Variants in RIMS1 observed in about 807,000 individuals in gnomAD.
The protein encoded by RIMS1 is regulating synaptic membrane exocytosis 1.
RIMS1 carries 83 observed loss-of-function variants against 214.1 expected under a neutral mutation model. The observed-to-expected ratio is 0.39, with a 90% confidence interval of 0.32 to 0.47. The LOEUF (loss-of-function observed/expected upper bound fraction) is 0.47. Among genes scored for constraint, RIMS1 ranks in the 20% least tolerant of loss-of-function variants. RIMS1 has a pLI of 0.99. For missense variants in RIMS1, 2,050 were observed against 2,161.8 expected (o/e 0.95, Z 1.03); for synonymous variants, 793 against 786.8 (o/e 1.01, Z -0.13).
chr6:72,126,761 TAA>T (rs71540329), intron 4 of RIMS1: 11,574 of 124,066 alleles, frequency 0.093, 358 homozygotes, highest in Non-Finnish European at 0.12. Context: ...ATTAAAAAGT[TAA>T]AAAAAAAAAA....
intron 4 of RIMS1, among the ~76,000 whole-genome samples, chr6:72,146,576 A>G (rs139330917): frequency 3.7e-4 from 57 of 152,324 alleles, no homozygotes; most frequent in Non-Finnish European, 6.0e-4. Flanking sequence ...TCAGTGTTCA[A>G]TTTACCAAAT....
chr6:72,166,726 A>AG (rs2046319909), intron 4 of RIMS1, among the ~76,000 whole-genome samples: 1 of 138,836 alleles, frequency 7.2e-6, no homozygotes, highest in African/African-American at 2.7e-5. Flanking sequence ...AAAAAAAAAA[A>AG]GTAACTCTCT....
At chr6:72,211,698 G>A (rs573110520) in intron 6 of RIMS1, among the ~76,000 whole-genome samples, 11 of 152,148 alleles carry the variant, frequency 7.2e-5, no homozygotes, top group Admixed American at 6.5e-4. Context: ...TTTTGCATAT[G>A]GAATTAATAG....
intron 2 of RIMS1, among the ~76,000 whole-genome samples, chr6:71,986,168 A>G (rs1799875588): frequency 1.3e-5 from 2 of 149,288 alleles, no homozygotes; most frequent in Admixed American, 1.4e-4. Context: ...GATGTCAAGA[A>G]ACCATCACAA....
chr6:72,096,756 A>G (rs749424267), intron 2 of RIMS1, among the ~76,000 whole-genome samples, 193 bp from the exon 3 acceptor site: 8 of 152,218 alleles, frequency 5.3e-5, no homozygotes, highest in Non-Finnish European at 4.4e-5. Context: ...TAAGCAAAAC[A>G]GGGATTATGG....
chr6:72,131,746 G>A (rs2040475580), intron 4 of RIMS1, among the ~76,000 whole-genome samples: 2 of 152,098 alleles, frequency 1.3e-5, no homozygotes, highest in Admixed American at 1.3e-4. Context: ...AATTTATTAG[G>A]CAGGAATTTC....
chr6:72,126,258 A>C (rs755323847), intron 4 of RIMS1, among the ~76,000 whole-genome samples: 1 of 152,200 alleles, frequency 6.6e-6, no homozygotes, highest in Non-Finnish European at 1.5e-5. Context: ...TCTTACCTTA[A>C]ACAAAAATCA....
At chr6:72,146,282 G>A (rs189126204) in intron 4 of RIMS1, among the ~76,000 whole-genome samples, 76 of 152,242 alleles carry the variant, frequency 5.0e-4, no homozygotes, top group South Asian at 8.3e-4. Flanking sequence ...AATCTGTCAC[G>A]TGTCTTTCCC....
At chr6:71,940,259 A>C (rs1191887341) in intron 1 of RIMS1, among the ~76,000 whole-genome samples, 1 of 152,214 alleles carries the variant, frequency 6.6e-6, no homozygotes, top group Non-Finnish European at 1.5e-5. Flanking sequence ...ATATATCCAA[A>C]GATGAAATAA....
At chr6:72,290,325 T>C (rs2093164654) in intron 24 of RIMS1, among the ~76,000 whole-genome samples, 1 of 152,186 alleles carries the variant, frequency 6.6e-6, no homozygotes, top group African/African-American at 2.4e-5. Context: ...CATACCTTTA[T>C]TGAGCTCTTG....
intron 28 of RIMS1, among the ~76,000 whole-genome samples, chr6:72,332,842 G>A (rs2096718001): frequency 6.6e-6 from 1 of 151,738 alleles, no homozygotes; most frequent in African/African-American, 2.4e-5. Flanking sequence ...ATTCTTTGGG[G>A]AGAGAAGGAA....
At position 71,969,021 on chromosome 6, in the gene RIMS1, A is replaced by C; in HGVS notation, c.203A>C (p.Lys68Thr). 6.2e-7 allele frequency: 1 copy of C among 1,614,032 alleles called. No homozygotes were observed. Among genetic ancestry groups the C allele is most frequent in the Non-Finnish European group, 8.5e-7 (1 of 1,179,866 alleles). The change falls in exon 2 of 34, where the codon AAA becomes ACA. Residue 68 changes from lysine (K) to threonine (T), a missense_variant. Physicochemically the swap from Lys to Thr is moderately conservative, Grantham distance 78. Coordinates refer to ENST00000521978, the MANE Select transcript of RIMS1 (RefSeq NM_014989.7). ...VRDMAKPAAC[K>T]TPRNAENQPH... is the part of the protein sequence containing the mutation. ...GACATGGCGAAGCCTGCTGCCTGCA[A>C]AACACCAAGAAATGCTGAAAACCAG... is the stretch of plus-strand genomic sequence containing the variant.
At position 72,154,399 on chromosome 6, in the gene RIMS1, T is replaced by C. The variant is rs546586333; in HGVS notation, c.472-25176T>C. Among the ~76,000 whole-genome samples, 5 of 140,698 alleles carry C rather than the reference T, an allele frequency of 3.6e-5. No homozygotes were observed. The East Asian group carries it at 1.0e-3, about 28-fold the overall frequency. 92.3% of individuals were successfully genotyped at this position (140,698 alleles called of 152,430 possible). A position where few individuals can be genotyped will look rare whatever the true frequency, so the allele number is the denominator to read the frequency against. Reference sequence around the variant, plus strand: ...TAAAAGAAAAGGAAAAAGATTCACCTGTCAAGGAATTGCAGTTTATTAGAG... The same window carrying C: ...TAAAAGAAAAGGAAAAAGATTCACCCGTCAAGGAATTGCAGTTTATTAGAG... On this transcript the variant is annotated intron_variant, in intron 4 of 33. Transcript: ENST00000521978.
chr6:72,131,570 G>A (rs1397205393), intron 4 of RIMS1, among the ~76,000 whole-genome samples: 10 of 152,110 alleles, frequency 6.6e-5, no homozygotes, highest in East Asian at 5.8e-4. Flanking sequence ...CAAAGATCAC[G>A]TACTTCACAA....
intron 1 of RIMS1, among the ~76,000 whole-genome samples, chr6:71,917,571 G>A (rs960486181): frequency 2.6e-5 from 4 of 152,120 alleles, no homozygotes; most frequent in Non-Finnish European, 5.9e-5. Context: ...GTCACCTAGG[G>A]CTTGGTTGGA....
chr6:72,263,947 C>A, intron 19 of RIMS1: 1 of 378,144 alleles, frequency 2.6e-6, no homozygotes, highest in Non-Finnish European at 3.6e-6. Context: ...GAGCCAAGAT[C>A]ACACCATTGC....
chr6:72,235,039 T>TA (rs538113956), intron 7 of RIMS1, among the ~76,000 whole-genome samples: 26 of 152,186 alleles, frequency 1.7e-4, no homozygotes, highest in African/African-American at 6.0e-4. Flanking sequence ...ATTTCTAAGT[T>TA]ACTCTGCCAG....
At chr6:72,186,786 C>CCT (rs1554265138) in intron 6 of RIMS1, among the ~76,000 whole-genome samples, 1 of 151,472 alleles carries the variant, frequency 6.6e-6, no homozygotes. Context: ...TGTACCCCCC[C>CCT]CCATATATAT....
intron 1 of RIMS1, among the ~76,000 whole-genome samples, chr6:71,901,894 T>G (rs1290220124): frequency 6.6e-6 from 1 of 152,092 alleles, no homozygotes; most frequent in African/African-American, 2.4e-5. Flanking sequence ...AAAGGCTTTT[T>G]CTACAAATTT....
Sources: gnomAD v4.1 joint callset for allele counts (sites outside exome capture counted in the v4.1 genomes callset) on GRCh38, gnomAD v4.1.1 for gene constraint, MANE v1.5 for transcripts, NCBI Gene and HGNC (gene_info 2026-07-23, HGNC 2026-07-21) for gene names.